The following ZFAND3 variants were observed in gnomAD, a reference collection of about 807,000 sequenced individuals.
ZFAND3 encodes the protein AN1-type zinc finger protein 3.
Under a neutral mutation model 29.6 loss-of-function variants are expected in ZFAND3, and 10 were observed. That is an observed-to-expected ratio of 0.34 (90% confidence interval 0.21 to 0.57). The LOEUF (loss-of-function observed/expected upper bound fraction) is 0.57, where lower values mean the gene tolerates loss of function less well. Ranked by LOEUF, ZFAND3 falls within the 20% of genes least tolerant of loss-of-function variation. The pLI, the probability that ZFAND3 is intolerant of heterozygous loss-of-function variation, is 0.86. For synonymous variants in ZFAND3, 128 were observed against 112.6 expected, an observed-to-expected ratio of 1.14 and a Z score of -0.87; for missense variants, 230 against 304.5, an observed-to-expected ratio of 0.76 and a Z score of 1.82.
At chr6:38,077,286 G>T (rs1289390932) in intron 3 of ZFAND3, among the ~76,000 whole-genome samples, 1 of 152,052 alleles carries the variant, frequency 6.6e-6, no homozygotes, top group African/African-American at 2.4e-5. Context: ...CTTTAGAACT[G>T]TGAGCCTGGA....
intron 1 of ZFAND3, among the ~76,000 whole-genome samples, chr6:37,881,475 TTCTG>T (rs1764893532): frequency 6.6e-6 from 1 of 152,184 alleles, no homozygotes; most frequent in Non-Finnish European, 1.5e-5. Context: ...TGATGGTCTG[TTCTG>T]TCTTTCTGCT....
intron 2 of ZFAND3, among the ~76,000 whole-genome samples, chr6:37,957,579 A>G (rs992123024): frequency 6.6e-6 from 1 of 152,264 alleles, no homozygotes; most frequent in Non-Finnish European, 1.5e-5. Flanking sequence ...TTTGTTTTTT[A>G]CTCAAGCAGA....
rs114546691 is a variant in ZFAND3 at position 37,854,893 on chromosome 6, G to A, written c.71+34877G>A. ...TGGTCTGAAAAGCTAAAGCTAATAA[G>A]TTAGTAATGAGTACAGTCTAGGAAG... On this transcript the variant is annotated intron_variant, in intron 1 of 5. Transcript: ENST00000287218. Among the ~76,000 whole-genome samples the A allele has an allele frequency of 9.3e-3, 1,327 of 143,268 alleles. 18 individuals are homozygous for A. Among genetic ancestry groups the A allele is most frequent in the African/African-American group, 0.031 (1,232 of 39,152 alleles). The allele number at this position is 143,268 out of a possible 152,430, so 94.0% of individuals were successfully genotyped here. A position where few individuals can be genotyped will look rare whatever the true frequency, so the allele number is the denominator to read the frequency against.
intron 2 of ZFAND3, among the ~76,000 whole-genome samples, chr6:37,954,348 A>G (rs559808705): frequency 2.6e-5 from 4 of 152,232 alleles, no homozygotes; most frequent in African/African-American, 7.2e-5. Context: ...TAGTTATCCC[A>G]CAGCTAACTG....
intron 4 of ZFAND3, among the ~76,000 whole-genome samples, chr6:38,100,995 C>T (rs993021719): frequency 6.6e-6 from 1 of 152,134 alleles, no homozygotes; most frequent in East Asian, 1.9e-4. Flanking sequence ...TTTTACACAG[C>T]TACAGTACAA....
chr6:37,957,589 AACATTTGGCTGT>A (rs1319528989), intron 2 of ZFAND3, among the ~76,000 whole-genome samples: 2 of 152,170 alleles, frequency 1.3e-5, no homozygotes, highest in Admixed American at 6.5e-5. Flanking sequence ...ACTCAAGCAG[AACATTTGGCTGT>A]AGTATCTTGA....
intron 1 of ZFAND3, among the ~76,000 whole-genome samples, chr6:37,838,091 G>A (rs144240511): frequency 2.8e-4 from 42 of 152,294 alleles, no homozygotes; most frequent in Admixed American, 2.7e-3. Context: ...ACAACTTGCT[G>A]TATTTTAACC....
chr6:37,931,955 G>A (rs1470482815), intron 2 of ZFAND3, among the ~76,000 whole-genome samples: 1 of 152,160 alleles, frequency 6.6e-6, no homozygotes, highest in Non-Finnish European at 1.5e-5. Context: ...TCAGCTTTTA[G>A]CAGTATTTGT....
intron 2 of ZFAND3, among the ~76,000 whole-genome samples, chr6:37,996,344 T>C (rs984966035): frequency 2.0e-5 from 3 of 152,336 alleles, no homozygotes; most frequent in African/African-American, 7.2e-5. Flanking sequence ...ACTTAACATT[T>C]ATCATACACT....
chr6:38,079,212 C>G (rs920241688), intron 3 of ZFAND3, among the ~76,000 whole-genome samples: 1 of 152,180 alleles, frequency 6.6e-6, no homozygotes, highest in Non-Finnish European at 1.5e-5. Flanking sequence ...TCTAAGCTCT[C>G]TGTTTATAAC....
rs1581733547 is a variant in ZFAND3 at position 37,884,674 on chromosome 6, A to G, written c.72-45285A>G. 1.4e-5 allele frequency among the ~76,000 whole-genome samples: 2 copies of G among 144,428 alleles called. 1 individual carries two copies. Among genetic ancestry groups the G allele is most frequent in the Admixed American group, 1.3e-4 (2 of 14,856 alleles). The allele number at this position is 144,428 out of a possible 152,430, so 94.8% of individuals were successfully genotyped here. A position where few individuals can be genotyped will look rare whatever the true frequency, so the allele number is the denominator to read the frequency against. ...CATTTATCTGCTACTCTAAATATCA[A>G]GTGGCAGGGCAAGATTACCAACAAG... On this transcript the variant is annotated intron_variant, in intron 1 of 5. Coordinates refer to ENST00000287218, the MANE Select transcript of ZFAND3 (RefSeq NM_021943.3).
At chr6:37,836,340 T>TAG (rs932828315) in intron 1 of ZFAND3, among the ~76,000 whole-genome samples, 3 of 152,124 alleles carry the variant, frequency 2.0e-5, no homozygotes, top group Admixed American at 6.5e-5. Flanking sequence ...AGTGAAAAGA[T>TAG]AACTAAGGAT....
chr6:37,824,240 T>G (rs1046023795), intron 1 of ZFAND3, among the ~76,000 whole-genome samples: 7 of 152,342 alleles, frequency 4.6e-5, no homozygotes, highest in African/African-American at 1.7e-4. Flanking sequence ...AATGAAATAG[T>G]CAATTAGTAC....
At chr6:37,893,303 G>A (rs1051300546) in intron 1 of ZFAND3, among the ~76,000 whole-genome samples, 6 of 152,112 alleles carry the variant, frequency 3.9e-5, no homozygotes, top group Admixed American at 6.6e-5. Flanking sequence ...ATCAATTAAT[G>A]TAATACATCA....
chr6:38,153,620 C>CCT lies in ZFAND3; in HGVS notation c.*1233_*1234dup. ...AGGGTACATTTCTCCACCTGTGCCC[C>CCT]CTCATGTTCACAGAGGATTTCAGCA... On this transcript the variant is annotated 3_prime_UTR_variant, in exon 6 of 6. Coordinates refer to ENST00000287218, the MANE Select transcript of ZFAND3 (RefSeq NM_021943.3). The CCT allele has an allele frequency of 1.0e-6, 1 of 985,494 alleles. No homozygotes were observed. Among genetic ancestry groups the CCT allele is most frequent in the Non-Finnish European group, 1.2e-6 (1 of 829,996 alleles). The allele number at this position is 985,494 out of a possible 1,614,324, so 61.0% of individuals were successfully genotyped here. A position where few individuals can be genotyped will look rare whatever the true frequency, so the allele number is the denominator to read the frequency against.
intron 2 of ZFAND3, among the ~76,000 whole-genome samples, chr6:37,980,697 AT>A (rs1189539298): frequency 6.6e-6 from 1 of 152,184 alleles, no homozygotes; most frequent in East Asian, 1.9e-4. Flanking sequence ...ATTAGCAAGA[AT>A]ATACAGTGAT....
chr6:37,958,070 G>A (rs1326964603), intron 2 of ZFAND3, among the ~76,000 whole-genome samples: 1 of 152,036 alleles, frequency 6.6e-6, no homozygotes. Context: ...CAGACAATTA[G>A]TCATAAAATT....
At chr6:37,996,962 G>A (rs1762859460) in intron 2 of ZFAND3, among the ~76,000 whole-genome samples, 1 of 152,040 alleles carries the variant, frequency 6.6e-6, no homozygotes, top group African/African-American at 2.4e-5. Flanking sequence ...TTTCTGCATA[G>A]CATATTTTTC....
At chr6:38,074,256 C>G (rs1372502139) in intron 3 of ZFAND3, among the ~76,000 whole-genome samples, 2 of 152,130 alleles carry the variant, frequency 1.3e-5, no homozygotes, top group African/African-American at 2.4e-5. Flanking sequence ...ACATGAAAAT[C>G]CAAGTAGCTT....
Sources: allele counts gnomAD v4.1 joint callset (sites outside exome capture counted in the v4.1 genomes callset), GRCh38; gene constraint gnomAD v4.1.1; transcripts MANE v1.5; gene names NCBI Gene and HGNC (gene_info 2026-07-23, HGNC 2026-07-21).